The following EPHB1 variants were observed in gnomAD, a reference collection of about 807,000 sequenced individuals.
EPHB1 encodes ephrin type-B receptor 1.
Under a neutral mutation model 94.4 loss-of-function variants are expected in EPHB1, and 30 were observed. The observed-to-expected ratio is 0.32, with a 90% CI of 0.24 to 0.43. The LOEUF is 0.43. EPHB1 is among the 20% of genes least tolerant of loss of function. The pLI is 1.00. For synonymous variants in EPHB1, 522 were observed against 489.1 expected, an observed-to-expected ratio of 1.07 and a Z score of -0.89; for missense variants, 1,055 against 1,308.3, an observed-to-expected ratio of 0.81 and a Z score of 2.99.
chr3:135,075,419 T>C (rs1280946639), intron 3 of EPHB1, among the ~76,000 whole-genome samples: 1 of 152,120 alleles, frequency 6.6e-6, no homozygotes, highest in Non-Finnish European at 1.5e-5. Flanking sequence ...CACCCTCCAA[T>C]TACAGGGCCC....
At chr3:135,083,124 G>A (rs1358055561) in intron 3 of EPHB1, among the ~76,000 whole-genome samples, 1 of 152,178 alleles carries the variant, frequency 6.6e-6, no homozygotes, top group Non-Finnish European at 1.5e-5. Flanking sequence ...TTGGGAGGCT[G>A]GGACAGGGAG....
intron 1 of EPHB1, among the ~76,000 whole-genome samples, chr3:134,853,794 T>C (rs2037045029): frequency 6.6e-6 from 1 of 152,134 alleles, no homozygotes; most frequent in South Asian, 2.1e-4. Flanking sequence ...AAGAGAAGGC[T>C]TTGGTCTTCC....
intron 4 of EPHB1, among the ~76,000 whole-genome samples, chr3:135,132,310 CTTCTACCCTTGAG>C (rs149796955): frequency 0.041 from 6,157 of 151,978 alleles, 417 homozygotes; most frequent in African/African-American, 0.14. Context: ...CACTCATATC[CTTCTACCCTTGAG>C]TTCTACACCA....
intron 10 of EPHB1, among the ~76,000 whole-genome samples, chr3:135,181,439 T>C (rs1942148854): frequency 6.6e-6 from 1 of 152,248 alleles, no homozygotes; most frequent in African/African-American, 2.4e-5. Flanking sequence ...GATCATGCCT[T>C]GGAAGGCTGG....
chr3:135,124,032 C>G (rs1011821745), intron 4 of EPHB1, among the ~76,000 whole-genome samples: 6 of 151,652 alleles, frequency 4.0e-5, no homozygotes, highest in African/African-American at 1.5e-4. Context: ...AGGCTGAAAC[C>G]AGGACTTATG....
At chr3:135,128,825 A>C (rs1308546531) in intron 4 of EPHB1, among the ~76,000 whole-genome samples, 1 of 152,082 alleles carries the variant, frequency 6.6e-6, no homozygotes, top group Non-Finnish European at 1.5e-5. Flanking sequence ...GTAAATAATG[A>C]ATGGTCATTT....
At chr3:135,232,028 C>T (rs1409188717) in intron 12 of EPHB1, among the ~76,000 whole-genome samples, 1 of 152,188 alleles carries the variant, frequency 6.6e-6, no homozygotes, top group Admixed American at 6.5e-5. Flanking sequence ...TCCTGGGGAA[C>T]TGGGAACAGC....
intron 12 of EPHB1, among the ~76,000 whole-genome samples, chr3:135,218,766 A>G (rs570770577): frequency 6.6e-6 from 1 of 152,382 alleles, no homozygotes; most frequent in South Asian, 2.1e-4. Flanking sequence ...TCCTAGCAAA[A>G]AAAGACAGAC....
intron 3 of EPHB1, among the ~76,000 whole-genome samples, chr3:135,081,617 C>G (rs1938167087): frequency 6.6e-6 from 1 of 152,170 alleles, no homozygotes; most frequent in Non-Finnish European, 1.5e-5. Context: ...AGCTTCTGCT[C>G]TCTTCACCTC....
At chr3:134,850,204 C>T (rs933667340) in intron 1 of EPHB1, among the ~76,000 whole-genome samples, 1 of 152,220 alleles carries the variant, frequency 6.6e-6, no homozygotes, top group Non-Finnish European at 1.5e-5. Context: ...TAAAAGGCCT[C>T]TTTCTTTTCC....
At chr3:134,850,131 C>T (rs941186979) in intron 1 of EPHB1, among the ~76,000 whole-genome samples, 2 of 152,308 alleles carry the variant, frequency 1.3e-5, no homozygotes, top group Middle Eastern at 3.4e-3. Context: ...ATCTTTGGAG[C>T]GGCTTCTTTC....
chr3:135,045,306 C>G (rs1305966707), intron 3 of EPHB1, among the ~76,000 whole-genome samples: 4 of 152,086 alleles, frequency 2.6e-5, no homozygotes, highest in Admixed American at 2.6e-4. Flanking sequence ...GCAAATTTTG[C>G]TGAAGAATGT....
intron 1 of EPHB1, among the ~76,000 whole-genome samples, chr3:134,818,750 A>G (rs775042644): frequency 6.6e-6 from 1 of 152,210 alleles, no homozygotes; most frequent in African/African-American, 2.4e-5. Flanking sequence ...CTATATATCT[A>G]TCACAGTTTC....
At chr3:135,156,907 G>C (rs957414683) in intron 6 of EPHB1, among the ~76,000 whole-genome samples, 3 of 152,114 alleles carry the variant, frequency 2.0e-5, no homozygotes, top group African/African-American at 7.2e-5. Context: ...GCCTAACAAG[G>C]GTCCACCCAG....
chr3:134,940,620 G>A (rs1448645602), intron 2 of EPHB1, among the ~76,000 whole-genome samples: 6 of 152,174 alleles, frequency 3.9e-5, no homozygotes, highest in Non-Finnish European at 4.4e-5. Flanking sequence ...CTCCTCCTTC[G>A]TGTACCCTCC....
chr3:134,851,871 T>C (rs753427730), intron 1 of EPHB1, among the ~76,000 whole-genome samples: 3 of 152,224 alleles, frequency 2.0e-5, no homozygotes, highest in Non-Finnish European at 4.4e-5. Flanking sequence ...GCTTTGTCCA[T>C]GTTCAGAGCT....
chr3:135,115,145 G>A (rs923535994), intron 4 of EPHB1, among the ~76,000 whole-genome samples: 9 of 152,150 alleles, frequency 5.9e-5, no homozygotes, highest in Admixed American at 5.2e-4. Context: ...GGGGATTAAC[G>A]TGAAGTGCAT....
At chr3:135,114,162 A>G (rs750545158) in intron 4 of EPHB1, among the ~76,000 whole-genome samples, 3 of 152,188 alleles carry the variant, frequency 2.0e-5, no homozygotes, top group Non-Finnish European at 4.4e-5. Context: ...TTGTGGATTT[A>G]GGCACAGTGC....
At chr3:135,063,123 G>A (rs1166546615) in intron 3 of EPHB1, among the ~76,000 whole-genome samples, 2 of 152,144 alleles carry the variant, frequency 1.3e-5, no homozygotes, top group Non-Finnish European at 2.9e-5. Flanking sequence ...GTCGTATGAT[G>A]CCTCCAGATT....
Sources: gnomAD v4.1 joint callset for allele counts (sites outside exome capture counted in the v4.1 genomes callset) on GRCh38, gnomAD v4.1.1 for gene constraint, MANE v1.5 for transcripts, NCBI Gene and HGNC (gene_info 2026-07-23, HGNC 2026-07-21) for gene names.